Variants in TTLL3 observed in about 807,000 individuals in gnomAD.
TTLL3 encodes tubulin tyrosine ligase like 3, also known as tubulin monoglycylase TTLL3.
Under a neutral mutation model 75.2 loss-of-function variants are expected in TTLL3, and 63 were observed. That is an observed-to-expected ratio of 0.84 (90% CI 0.68 to 1.03). The LOEUF is 1.03. Ranked by LOEUF, TTLL3 falls within the 50% of genes least tolerant of loss-of-function variation. The probability of loss-of-function intolerance (pLI) is 0.00; values close to 1 mark genes in which losing one functional copy is unlikely to be tolerated. For synonymous variants in TTLL3, 393 were observed against 418.5 expected (o/e 0.94, Z 0.74); for missense variants, 997 against 1,069.9 (o/e 0.93, Z 0.95).
chr3:9,827,702 G>C (rs1336812660), intron 10 of TTLL3: 1 of 203,150 alleles, frequency 4.9e-6, no homozygotes, highest in East Asian at 1.2e-4. Context: ...CAACAGATTT[G>C]ACCGAGTGTG....
At chr3:9,835,000 C>T in intron 13 of TTLL3, 93 bp downstream of exon 13, 1 of 1,602,328 alleles carries the variant, frequency 6.2e-7, no homozygotes, top group Non-Finnish European at 8.5e-7. Context: ...CCCAGGCTGG[C>T]TGGCACCCCA....
intron 11 of TTLL3, 83 bp from the exon 12 acceptor site, chr3:9,833,021 C>T (rs2081712829): frequency 1.3e-6 from 2 of 1,536,388 alleles, no homozygotes; most frequent in South Asian, 1.2e-5. Context: ...AGTAATTCCA[C>T]CCATCTCTAC....
chr3:9,818,997 A>G (rs1364322084), intron 7 of TTLL3, 77 bp downstream of exon 7: 11 of 1,589,146 alleles, frequency 6.9e-6, no homozygotes, highest in African/African-American at 1.3e-5. Flanking sequence ...CTGCCCTTCT[A>G]CCTATCTATT....
At chr3:9,812,693 C>A in intron 2 of TTLL3, 1 of 345,190 alleles carries the variant, frequency 2.9e-6, no homozygotes. Context: ...AATAAAAACA[C>A]ACAGTATTGT....
intron 7 of TTLL3, chr3:9,819,384 C>T (rs1235064264): frequency 4.7e-6 from 2 of 425,018 alleles, no homozygotes; most frequent in Non-Finnish European, 3.2e-6. Context: ...CACTTGTCTT[C>T]CCATCCGTTT....
chr3:9,827,297 C>G lies in TTLL3; in HGVS notation c.1247+57C>G, dbSNP rs144470306. Reference sequence around the variant, plus strand: ...CCTGCCTAGTTGGGGAGCTGGCAAGCAAACAGGCGATTACAGTGCAGGGGA... The same window carrying G: ...CCTGCCTAGTTGGGGAGCTGGCAAGGAAACAGGCGATTACAGTGCAGGGGA... On this transcript the variant is annotated intron_variant, in intron 10 of 13. Coordinates refer to ENST00000685419, the MANE Select transcript of TTLL3 (RefSeq NM_001387446.1). The G allele has an allele frequency of 1.2e-5, 19 of 1,595,296 alleles. No individual in the cohort carries two copies. In the African/African-American group the frequency reaches 2.4e-4, roughly 20 times the overall value.
rs763440077 is a variant in TTLL3 at position 9,817,659 on chromosome 3, C to T, written c.459C>T (p.Leu153=). The T allele has an allele frequency of 1.2e-6, 2 of 1,614,042 alleles. No homozygotes were observed. Among genetic ancestry groups the T allele is most frequent in the African/African-American group, 1.3e-5 (1 of 74,922 alleles). ...TAACTCCGTAGGTGGGTCTATGTCT[C>T]AATCTCCGGAATTTGCCGTGGTTTG... ...GSFTTKVGLC[L]NLRNLPWFDE... is the part of the protein sequence containing the mutation. The change falls in exon 6 of 14, where the codon CTC becomes CTT. Residue 153 remains leucine, a synonymous_variant. Coordinates refer to ENST00000685419, the MANE Select transcript of TTLL3 (RefSeq NM_001387446.1).
chr3:9,817,862 C>A, intron 6 of TTLL3, 103 bp downstream of exon 6: 2 of 1,440,388 alleles, frequency 1.4e-6, no homozygotes, highest in Non-Finnish European at 1.9e-6. Flanking sequence ...ATGCCCTCAT[C>A]TGCCTGCCCC....
intron 4 of TTLL3, 72 bp from the exon 5 acceptor site, chr3:9,816,002 G>T: frequency 7.8e-7 from 1 of 1,276,504 alleles, no homozygotes; most frequent in Non-Finnish European, 1.0e-6. Context: ...GCTCAGCAGG[G>T]CAGGGAGAGG....
chr3:9,810,297 C>G lies in TTLL3; in HGVS notation c.-139C>G. On this transcript the variant is annotated 5_prime_UTR_variant, in exon 1 of 14. Coordinates refer to ENST00000685419, the MANE Select transcript of TTLL3 (RefSeq NM_001387446.1). The surrounding 1 kb of genome is among the most constrained non-coding windows in gnomAD (Gnocchi z 4.4). ...CTGCGCGCCGCCTCAGCGGCGCCTT[C>G]AAGACGCTGGTCCCAGGCACCCACG... The G allele has an allele frequency of 6.7e-7, 1 of 1,497,322 alleles. No homozygotes were observed. Among genetic ancestry groups the G allele is most frequent in the Non-Finnish European group, 8.8e-7 (1 of 1,133,790 alleles). The allele number at this position is 1,497,322 out of a possible 1,614,324, so 92.8% of individuals were successfully genotyped here. A position where few individuals can be genotyped will look rare whatever the true frequency, so the allele number is the denominator to read the frequency against.
intron 8 of TTLL3, among the ~76,000 whole-genome samples, chr3:9,822,973 C>T (rs1193918081): frequency 2.0e-5 from 3 of 150,252 alleles, no homozygotes; most frequent in Admixed American, 6.7e-5. Context: ...CCACTTGGGG[C>T]GGTGGCTTAT....
chr3:9,820,848 C>T, intron 8 of TTLL3, 107 bp downstream of exon 8: 1 of 1,481,542 alleles, frequency 6.7e-7, no homozygotes, highest in Middle Eastern at 2.5e-4. Flanking sequence ...CGCTCGTTTA[C>T]CCCGCTGTTC....
chr3:9,810,790 T>A lies in TTLL3; in HGVS notation c.48+81T>A. On this transcript the variant is annotated intron_variant, in intron 2 of 13. Coordinates refer to ENST00000685419, the MANE Select transcript of TTLL3 (RefSeq NM_001387446.1). This position sits in a 1 kb window ranked among gnomAD's most constrained non-coding sequence, Gnocchi z 4.4. ...TCCCTGCGCTGTTTTCTTATATCCT[T>A]AAAAAACAAAAGCAAAAGAAAAAAC... 1 of 1,302,730 alleles carries A rather than the reference T, an allele frequency of 7.7e-7. No homozygotes were observed. The highest frequency in any genetic ancestry group is 1.0e-6 in the Non-Finnish European group (1 of 957,580). 80.7% of individuals were successfully genotyped at this position (1,302,730 alleles called of 1,614,324 possible). A position where few individuals can be genotyped will look rare whatever the true frequency, so the allele number is the denominator to read the frequency against.
intron 9 of TTLL3, among the ~76,000 whole-genome samples, chr3:9,826,661 A>G (rs1348798857): frequency 4.5e-5 from 6 of 134,106 alleles, no homozygotes; most frequent in African/African-American, 1.4e-4. Flanking sequence ...TGAACCCGGG[A>G]GGCGGAGGTT....
chr3:9,812,914 T>C (rs781571244), intron 2 of TTLL3, 29 bp from the exon 3 acceptor site: 69 of 1,474,590 alleles, frequency 4.7e-5, no homozygotes, highest in Non-Finnish European at 6.1e-5. Flanking sequence ...CAATACTTAT[T>C]GAAGAAGTAT....
intron 8 of TTLL3, chr3:9,825,375 T>C: frequency 5.1e-6 from 1 of 197,254 alleles, no homozygotes; most frequent in South Asian, 6.8e-5. Context: ...AGGGGGTGGG[T>C]ACTAGTAATA....
At position 9,833,204 on chromosome 3, in the gene TTLL3, G is replaced by A. The variant is rs369758731; in HGVS notation, c.1784G>A (p.Arg595His). 4.2e-5 allele frequency: 68 copies of A among 1,613,918 alleles called. No homozygotes were observed. Among genetic ancestry groups the A allele is most frequent in the African/African-American group, 2.0e-4 (15 of 74,904 alleles). ...ATGTGTCATCGGCGGATGGGGGTCCGCCCAGCAGTCCCTCTGCTGACCCAG... is the reference window on the plus strand; with the variant it reads ...ATGTGTCATCGGCGGATGGGGGTCCACCCAGCAGTCCCTCTGCTGACCCAG... ...MAMCHRRMGV[R>H]PAVPLLTQRG... Residue 595 changes from arginine to histidine, a missense_variant, in exon 12 of 14, where the codon CGC becomes CAC. Coordinates refer to ENST00000685419, the MANE Select transcript of TTLL3 (RefSeq NM_001387446.1).
intron 9 of TTLL3, among the ~76,000 whole-genome samples, chr3:9,826,441 C>T (rs944234772): frequency 3.9e-5 from 6 of 151,964 alleles, no homozygotes; most frequent in African/African-American, 1.4e-4. Context: ...TTAAAAAAGC[C>T]CCCAACACTG....
rs749956049 is a variant in TTLL3, at chr3:9,835,189, G to A, written c.2148G>A (p.Arg716=). Residue 716 remains arginine (R), a synonymous_variant, in exon 14 of 14, where the codon AGG becomes AGA. Transcript: ENST00000685419. ...AACAATTCCTAGCACCTGTCGGAAG[G>A]TCAAGGCCAAAGGCAAATTCAAGGC... ...KSEQFLAPVG[R]SRPKANSRPD... is the part of the protein sequence containing the mutation. 1.2e-6 allele frequency: 2 copies of A among 1,608,996 alleles called. No individual in the cohort carries two copies. Among genetic ancestry groups the A allele is most frequent in the Non-Finnish European group, 1.7e-6 (2 of 1,179,640 alleles).
Sources: allele counts gnomAD v4.1 joint callset (sites outside exome capture counted in the v4.1 genomes callset), GRCh38; gene constraint gnomAD v4.1.1; non-coding constraint Gnocchi (gnomAD v3.1); transcripts MANE v1.5; gene names NCBI Gene and HGNC (gene_info 2026-07-23, HGNC 2026-07-21).